Variants in SEC16B observed in about 807,000 individuals in gnomAD.
SEC16B encodes protein transport protein Sec16B.
A neutral mutation model predicts 141.8 loss-of-function variants in SEC16B; 115 were observed. The observed-to-expected ratio is 0.81, with a 90% CI of 0.70 to 0.95. The LOEUF is 0.95. Among genes scored for constraint, SEC16B ranks in the 40% least tolerant of loss-of-function variants. SEC16B has a pLI of 0.00. For synonymous variants in SEC16B, 493 were observed against 492.5 expected, an observed-to-expected ratio of 1.00 and a Z score of -0.01; for missense variants, 1,291 against 1,312.3, an observed-to-expected ratio of 0.98 and a Z score of 0.25.
At chr1:177,930,834 A>T (rs1051614614) in intron 24 of SEC16B, among the ~76,000 whole-genome samples, 191 bp from the exon 25 acceptor site, 3 of 152,214 alleles carry the variant, frequency 2.0e-5, no homozygotes, top group Non-Finnish European at 4.4e-5. Context: ...AAATGAAAAA[A>T]ATGTTCAACA....
chr1:177,958,880 A>G lies in SEC16B; in HGVS notation c.1094T>C (p.Leu365Pro), dbSNP rs371833838. The change falls in exon 9 of 26, where the codon CTA (leucine) becomes CCA (proline). Residue 365 changes from leucine to proline, a missense_variant. Coordinates refer to ENST00000308284, the MANE Select transcript of SEC16B (RefSeq NM_033127.4). Reference sequence around the variant, plus strand: ...AAGGAGAACCAAGAGCTGCCACAGTAGAGCTGAGTCTCTGCTCCCCAGTGT... The same window carrying G: ...AAGGAGAACCAAGAGCTGCCACAGTGGAGCTGAGTCTCTGCTCCCCAGTGT... ...SETLGSRDSA[L>P]LWQLLVLLCR... 403 of 1,613,744 alleles carry G rather than the reference A, an allele frequency of 2.5e-4. 1 individual carries two copies. The highest frequency in any genetic ancestry group is 3.3e-4 in the Non-Finnish European group (386 of 1,179,780).
At chr1:177,958,498 G>T (rs2101974274) in intron 9 of SEC16B, 136 bp from the exon 10 acceptor site, 1 of 661,798 alleles carries the variant, frequency 1.5e-6, no homozygotes, top group Non-Finnish European at 2.5e-6. Context: ...GCAGTCCTTT[G>T]TTAGATTGCT....
chr1:177,978,032 T>C (rs2102026434), intron 1 of SEC16B, among the ~76,000 whole-genome samples: 1 of 152,318 alleles, frequency 6.6e-6, no homozygotes, highest in South Asian at 2.1e-4. Context: ...GTTACTTATA[T>C]TCTGTTAAAG....
rs925358781 is a variant in SEC16B at position 177,945,084 on chromosome 1, G to A, written c.1776-418C>T. The stretch of plus-strand genomic sequence containing the variant: ...GGGCACCCCTAGTTTGAGCAAACTC[G>A]CACAAAAGAGGGGAGCCATGTAACA... On this transcript the variant is annotated intron_variant, in intron 14 of 25. Coordinates refer to ENST00000308284, the MANE Select transcript of SEC16B (RefSeq NM_033127.4). 6.6e-5 allele frequency among the ~76,000 whole-genome samples: 10 copies of A among 152,284 alleles called. No homozygotes were observed. In the South Asian group the frequency reaches 1.0e-3, roughly 16 times the overall value.
intron 17 of SEC16B, 39 bp downstream of exon 17, chr1:177,940,571 G>C: frequency 7.0e-7 from 1 of 1,437,748 alleles, no homozygotes; most frequent in Non-Finnish European, 9.8e-7. Context: ...GGGAAACAAA[G>C]GCCAGTCCCC....
chr1:177,982,060 G>C (rs1654440531), intron 1 of SEC16B, among the ~76,000 whole-genome samples: 1 of 152,164 alleles, frequency 6.6e-6, no homozygotes. Flanking sequence ...AGTCAGAACA[G>C]CATCAAAGGC....
At chr1:177,964,150 C>A (rs1006641082) in intron 5 of SEC16B, 21 bp downstream of exon 5, 14 of 1,568,806 alleles carry the variant, frequency 8.9e-6, no homozygotes, top group Non-Finnish European at 1.1e-5. Flanking sequence ...AGTCTCCAGC[C>A]CCCACGTCAC....
chr1:177,940,835 A>G (rs1218075155), intron 16 of SEC16B, 121 bp from the exon 17 acceptor site: 1 of 591,600 alleles, frequency 1.7e-6, no homozygotes, highest in Admixed American at 3.0e-5. Flanking sequence ...GAGAGCCTTA[A>G]CTAACTTGTA....
upstream of SEC16B, among the ~76,000 whole-genome samples, chr1:177,971,186 ATTC>A (rs1207129636): frequency 6.6e-6 from 1 of 151,970 alleles, no homozygotes; most frequent in African/African-American, 2.4e-5. Flanking sequence ...GGTTCAAGCA[ATTC>A]TCCTGCCTCA....
In SEC16B at chr1:177,961,591, A is replaced by G; in HGVS notation, c.786T>C (p.Ala262=). 1 of 1,610,398 alleles carries G rather than the reference A, an allele frequency of 6.2e-7. No individual in the cohort carries two copies. The highest frequency in any genetic ancestry group is 1.1e-5 in the South Asian group (1 of 90,112). ...TCTTCTGATCATTTTAGAACCCACC[A>G]GCCTGAACTGGACTCCAAGCTGCTG... is the stretch of plus-strand genomic sequence containing the variant. ...PASAAWSPVQ[A]DVSSAGPKAP... is the part of the protein sequence containing the mutation. The change falls in exon 6 of 26, where the codon GCT becomes GCC. Residue 262 remains alanine, a splice_region_variant and synonymous_variant. Transcript: ENST00000308284.
chr1:177,965,310 G>A (rs1367772780), intron 3 of SEC16B, 143 bp from the exon 4 acceptor site: 24 of 1,007,046 alleles, frequency 2.4e-5, no homozygotes, highest in Non-Finnish European at 4.3e-6. Context: ...ATAGATAGGT[G>A]AGAGCTAATA....
chr1:177,968,958 T>C (rs1482135444), intron 1 of SEC16B, among the ~76,000 whole-genome samples: 2 of 152,194 alleles, frequency 1.3e-5, no homozygotes, highest in Non-Finnish European at 2.9e-5. Flanking sequence ...CAAGGACTGA[T>C]TACCTTCCAG....
At chr1:177,939,677 A>G (rs749476956) in intron 18 of SEC16B, 25 bp downstream of exon 18, 7 of 1,526,164 alleles carry the variant, frequency 4.6e-6, no homozygotes, top group Non-Finnish European at 2.7e-6. Context: ...AGCTATGTAT[A>G]TGCTCAGTTC....
At position 177,967,706 on chromosome 1, in the gene SEC16B, A is replaced by C; in HGVS notation, c.276T>G (p.Gly92=). 1 of 1,605,728 alleles carries C rather than the reference A, an allele frequency of 6.2e-7. No individual in the cohort carries two copies. Residue 92 remains glycine, a synonymous_variant, in exon 2 of 26, where the codon GGT becomes GGG. Transcript: ENST00000308284. ...ACCTTGAATACAACTGATTGCGATA[A>C]CCACCTTCGTAATAGTCAACTCCAG... is the stretch of plus-strand genomic sequence containing the variant. ...PVSGVDYYEG[G]YRNQLYSRPG...
chr1:177,967,998 T>G lies in SEC16B; in HGVS notation c.-17A>C. On this transcript the variant is annotated 5_prime_UTR_variant, in exon 2 of 26. Coordinates refer to ENST00000308284, the MANE Select transcript of SEC16B (RefSeq NM_033127.4). Reference sequence around the variant, plus strand: ...AAGTTCCATCCTTGACTCTCTGAATTTGTCCTGGGTTTTGAGTAAGTTGTG... The same window carrying G: ...AAGTTCCATCCTTGACTCTCTGAATGTGTCCTGGGTTTTGAGTAAGTTGTG... 1 of 1,579,102 alleles carries G rather than the reference T, an allele frequency of 6.3e-7. No homozygotes were observed. The highest frequency in any genetic ancestry group is 2.3e-5 in the East Asian group (1 of 44,230).
rs1187517738 is a variant in SEC16B, at chr1:177,969,983, A to G, written c.-158T>C. On this transcript the variant is annotated 5_prime_UTR_variant, in exon 1 of 26. The change abolishes an upstream ATG in the 5' untranslated region. Coordinates refer to ENST00000308284, the MANE Select transcript of SEC16B (RefSeq NM_033127.4). ...GAGACTGTCAAAGTCCAGGTGCCACATCTACCAAGACTCCCCAGGCCCTCA... is the reference window on the plus strand; with the variant it reads ...GAGACTGTCAAAGTCCAGGTGCCACGTCTACCAAGACTCCCCAGGCCCTCA... The G allele has an allele frequency of 6.6e-6, 1 of 152,038 alleles. No individual in the cohort carries two copies. The highest frequency in any genetic ancestry group is 1.5e-5 in the Non-Finnish European group (1 of 68,070). 9.4% of individuals were successfully genotyped at this position (152,038 alleles called of 1,614,324 possible).
intron 15 of SEC16B, among the ~76,000 whole-genome samples, chr1:177,943,918 G>C (rs2101926644): frequency 6.6e-6 from 1 of 152,350 alleles, no homozygotes; most frequent in South Asian, 2.1e-4. Context: ...ATGGAGGAAG[G>C]GATGGTGCTG....
At chr1:177,965,829 C>T (rs1653471460) in intron 3 of SEC16B, 64 bp downstream of exon 3, 1 of 1,017,804 alleles carries the variant, frequency 9.8e-7, no homozygotes. Context: ...TGGTCTCTCC[C>T]CTGCCTCTCA....
chr1:177,944,137 G>A (rs1330484506), intron 15 of SEC16B, among the ~76,000 whole-genome samples: 2 of 152,200 alleles, frequency 1.3e-5, no homozygotes, highest in African/African-American at 4.8e-5. Context: ...AAAGAGGCCG[G>A]AGAAGGAGTG....
Sources: allele counts gnomAD v4.1 joint callset (sites outside exome capture counted in the v4.1 genomes callset), GRCh38; gene constraint gnomAD v4.1.1; transcripts MANE v1.5; gene names NCBI Gene and HGNC (gene_info 2026-07-23, HGNC 2026-07-21).